The following WIPF2 variants were observed in gnomAD, a reference collection of about 807,000 sequenced individuals.
The protein encoded by WIPF2 is WAS/WASL-interacting protein family member 2.
A neutral mutation model predicts 38.8 loss-of-function variants in WIPF2; 23 were observed. That is an observed-to-expected ratio of 0.59 (90% confidence interval 0.43 to 0.84). WIPF2 has a LOEUF of 0.84. Among genes scored for constraint, WIPF2 ranks in the 40% least tolerant of loss-of-function variants. The pLI is 0.00. For missense variants in WIPF2, 574 were observed against 580.5 expected (o/e 0.99, Z 0.11); for synonymous variants, 210 against 223.2 (o/e 0.94, Z 0.53).
rs568579381 is a variant in WIPF2 at position 40,271,715 on chromosome 17, G to T, written c.971-2075G>T. 3.9e-4 allele frequency among the ~76,000 whole-genome samples: 59 copies of T among 152,230 alleles called. 1 individual carries two copies. The highest frequency in any genetic ancestry group is 8.2e-4 in the Non-Finnish European group (56 of 68,020). On this transcript the variant is annotated intron_variant, in intron 5 of 7. Transcript: ENST00000323571. ...AACCTGAGTCCCAGTTTTCTCATTTGTGAAATGGGGATAATATTACATACT... is the reference window on the plus strand; with the variant it reads ...AACCTGAGTCCCAGTTTTCTCATTTTTGAAATGGGGATAATATTACATACT...
chr17:40,271,317 C>T (rs900977219), intron 5 of WIPF2, among the ~76,000 whole-genome samples: 1 of 152,142 alleles, frequency 6.6e-6, no homozygotes, highest in Non-Finnish European at 1.5e-5. Flanking sequence ...GTCTGTTAAG[C>T]TGAGTAGTCT....
rs377574673 is a variant in WIPF2, at chr17:40,268,973, C to T, written c.970+3827C>T. On this transcript the variant is annotated intron_variant, in intron 5 of 7. Coordinates refer to ENST00000323571, the MANE Select transcript of WIPF2 (RefSeq NM_133264.5). Reference sequence around the variant, plus strand: ...GCTGAGGCAGGAGGATCGCTTGAGACGGAGTTCAAGACCAGCCTGGGCAAC... The same window carrying T: ...GCTGAGGCAGGAGGATCGCTTGAGATGGAGTTCAAGACCAGCCTGGGCAAC... 7.2e-5 allele frequency among the ~76,000 whole-genome samples: 11 copies of T among 151,986 alleles called. No individual in the cohort carries two copies. In the East Asian group the frequency reaches 7.7e-4, roughly 11 times the overall value.
chr17:40,223,353 G>A (rs923368029), intron 1 of WIPF2, among the ~76,000 whole-genome samples: 46 of 152,004 alleles, frequency 3.0e-4, no homozygotes, highest in Non-Finnish European at 5.0e-4. Flanking sequence ...TGGCCAGGCT[G>A]GTCATTTACT....
intron 1 of WIPF2, among the ~76,000 whole-genome samples, chr17:40,248,784 G>GT (rs1332511399): frequency 2.0e-4 from 31 of 152,288 alleles, no homozygotes. Flanking sequence ...AGCTGTTGTG[G>GT]TTTTTTCAGA....
At chr17:40,219,524 C>A in intron 1 of WIPF2, 32 bp downstream of exon 1, 1 of 143,748 alleles carries the variant, frequency 7.0e-6, no homozygotes, top group South Asian at 1.9e-4. Context: ...CTGGGTCAGT[C>A]GCTGAAATGA....
chr17:40,243,333 G>T (rs1305800356), intron 1 of WIPF2, among the ~76,000 whole-genome samples: 1 of 152,218 alleles, frequency 6.6e-6, no homozygotes, highest in East Asian at 1.9e-4. Flanking sequence ...AAATCTGGGG[G>T]AAGAGGAAAG....
Position 40,264,593 on chromosome 17 carries a change from C to T in WIPF2, c.417C>T (p.Asp139=). 6.2e-7 allele frequency: 1 copy of T among 1,614,174 alleles called. No individual in the cohort carries two copies. Among genetic ancestry groups the T allele is most frequent in the East Asian group, 2.2e-5 (1 of 44,878 alleles). Residue 139 remains aspartate (D), a synonymous_variant, in exon 5 of 8, where the codon GAC becomes GAT. Transcript: ENST00000323571. ...AASGRPQDDT[D]SSRASLPELP... Reference sequence around the variant, plus strand: ...GCGGGCGTCCTCAGGATGATACAGACAGCAGCCGGGCCTCACTCCCAGAAC... The same window carrying T: ...GCGGGCGTCCTCAGGATGATACAGATAGCAGCCGGGCCTCACTCCCAGAAC...
At chr17:40,228,932 G>A (rs2030619221) in intron 1 of WIPF2, among the ~76,000 whole-genome samples, 1 of 151,628 alleles carries the variant, frequency 6.6e-6, no homozygotes, top group Non-Finnish European at 1.5e-5. Context: ...CACTTACGGT[G>A]GAAGACTTTT....
At chr17:40,238,254 T>C (rs1170053977) in intron 1 of WIPF2, among the ~76,000 whole-genome samples, 3 of 152,152 alleles carry the variant, frequency 2.0e-5, no homozygotes, top group African/African-American at 4.8e-5. Flanking sequence ...GTGTTAGAGA[T>C]TTTCTTCAGT....
At chr17:40,235,610 G>C (rs1254834261) in intron 1 of WIPF2, among the ~76,000 whole-genome samples, 2 of 112,300 alleles carry the variant, frequency 1.8e-5, no homozygotes, top group African/African-American at 6.8e-5. Flanking sequence ...TTTCGCTCTT[G>C]TTGCCCAGGC....
chr17:40,270,421 A>G (rs1447324260), intron 5 of WIPF2, among the ~76,000 whole-genome samples: 1 of 151,560 alleles, frequency 6.6e-6, no homozygotes, highest in Non-Finnish European at 1.5e-5. Flanking sequence ...CCAGAAGCTT[A>G]TTGGAGACAG....
At chr17:40,238,326 T>C (rs943876549) in intron 1 of WIPF2, among the ~76,000 whole-genome samples, 55 of 152,246 alleles carry the variant, frequency 3.6e-4, no homozygotes, top group African/African-American at 1.3e-3. Context: ...TTATTTGAGA[T>C]GGAGTCTGGC....
chr17:40,251,038 C>T (rs932164755), intron 1 of WIPF2, among the ~76,000 whole-genome samples: 15 of 151,388 alleles, frequency 9.9e-5, no homozygotes, highest in Non-Finnish European at 1.6e-4. Flanking sequence ...CTCAGCCTCC[C>T]GAGTAGCTGG....
At chr17:40,258,299 C>T (rs1310079531) in intron 2 of WIPF2, among the ~76,000 whole-genome samples, 1 of 149,226 alleles carries the variant, frequency 6.7e-6, no homozygotes. Context: ...CTTGGGAGGC[C>T]AAGGCAGGTG....
intron 1 of WIPF2, among the ~76,000 whole-genome samples, chr17:40,234,431 C>CAAA (rs202018507): frequency 6.8e-6 from 1 of 146,596 alleles, no homozygotes; most frequent in African/African-American, 2.6e-5. Context: ...GACTCTGTCT[C>CAAA]AAAACAAACA....
At chr17:40,256,975 G>A (rs536139666) in intron 2 of WIPF2, among the ~76,000 whole-genome samples, 1 of 151,990 alleles carries the variant, frequency 6.6e-6, no homozygotes, top group Non-Finnish European at 1.5e-5. Context: ...GAGAAAAGTG[G>A]TGAGGATTCC....
intron 1 of WIPF2, among the ~76,000 whole-genome samples, chr17:40,227,496 A>G (rs915103193): frequency 1.3e-5 from 2 of 152,064 alleles, no homozygotes; most frequent in Non-Finnish European, 2.9e-5. Flanking sequence ...GGAAACATCT[A>G]TGTTTGTCTT....
intron 1 of WIPF2, chr17:40,220,607 A>ATATATG (rs2030175329): frequency 1.1e-5 from 1 of 90,548 alleles, no homozygotes; most frequent in Non-Finnish European, 2.1e-5. Flanking sequence ...ATATATATAT[A>ATATATG]TATATATATA....
At chr17:40,258,539 C>T (rs934590432) in intron 2 of WIPF2, among the ~76,000 whole-genome samples, 10 of 151,882 alleles carry the variant, frequency 6.6e-5, no homozygotes, top group Middle Eastern at 3.2e-3. Context: ...TGCAGTGAGC[C>T]GAGATCGCGC....
Sources: allele counts gnomAD v4.1 joint callset (sites outside exome capture counted in the v4.1 genomes callset), GRCh38; gene constraint gnomAD v4.1.1; transcripts MANE v1.5; gene names NCBI Gene and HGNC (gene_info 2026-07-23, HGNC 2026-07-21).